Variants in GRIK3 observed in about 807,000 individuals in gnomAD.
GRIK3 encodes glutamate ionotropic receptor kainate type subunit 3.
GRIK3 carries 29 observed loss-of-function variants against 102.5 expected under a neutral mutation model. The ratio of observed to expected loss-of-function variants is 0.28; its 90% CI spans 0.21 to 0.39. GRIK3 has a LOEUF of 0.39. GRIK3 is among the 10% of genes least tolerant of loss of function. The pLI is 1.00. For missense variants in GRIK3, 908 were observed against 1,252.4 expected (o/e 0.73, Z 4.15); for synonymous variants, 511 against 504.9 (o/e 1.01, Z -0.16).
chr1:36,916,063 C>T (rs116764623), intron 1 of GRIK3, among the ~76,000 whole-genome samples: 2,583 of 152,208 alleles, frequency 0.017, 67 homozygotes, highest in East Asian at 0.1. Context: ...ATAATGATAT[C>T]GTCAATGAAA....
chr1:36,891,714 T>A (rs1036958136), intron 1 of GRIK3, among the ~76,000 whole-genome samples: 1 of 152,152 alleles, frequency 6.6e-6, no homozygotes, highest in African/African-American at 2.4e-5. Context: ...AGGATTTGCA[T>A]CACGCCATTA....
intron 1 of GRIK3, among the ~76,000 whole-genome samples, chr1:36,993,539 A>T (rs1642384376): frequency 6.6e-6 from 1 of 152,224 alleles, no homozygotes; most frequent in Non-Finnish European, 1.5e-5. Context: ...AGGATAAAAC[A>T]CAACATCCAA....
chr1:36,918,742 T>G (rs186767578), intron 1 of GRIK3, among the ~76,000 whole-genome samples: 1 of 152,246 alleles, frequency 6.6e-6, no homozygotes, highest in African/African-American at 2.4e-5. Context: ...CCACCTAGAT[T>G]GTGTGACCTT....
intron 1 of GRIK3, among the ~76,000 whole-genome samples, chr1:36,926,381 C>G (rs1641527817): frequency 6.6e-6 from 1 of 151,730 alleles, no homozygotes; most frequent in Admixed American, 6.6e-5. Context: ...TCCCTTCATC[C>G]CCTCTACGCC....
At chr1:36,839,347 C>A (rs537721192) in intron 10 of GRIK3, among the ~76,000 whole-genome samples, 24 of 152,204 alleles carry the variant, frequency 1.6e-4, no homozygotes, top group African/African-American at 5.1e-4. Context: ...GTGACAACAC[C>A]ACTCCCTTCC....
In GRIK3 at chr1:36,806,574, C is replaced by T. The variant is rs185035593; in HGVS notation, c.2092-248G>A. On this transcript the variant is annotated intron_variant, in intron 13 of 15. Transcript: ENST00000373091. The surrounding 1 kb of genome is among the most constrained non-coding windows in gnomAD (Gnocchi z 4.0). ...TGCTTCCTGGAAACCCTGGCCATGG[C>T]ACAAGTGGTCTTCAAGCTGACTTTT... Among the ~76,000 whole-genome samples, 1 of 152,296 alleles carries T rather than the reference C, an allele frequency of 6.6e-6. No individual in the cohort carries two copies. Among genetic ancestry groups the T allele is most frequent in the East Asian group, 1.9e-4 (1 of 5,182 alleles).
chr1:36,931,093 T>C (rs544352407), intron 1 of GRIK3, among the ~76,000 whole-genome samples: 1 of 152,314 alleles, frequency 6.6e-6, no homozygotes, highest in South Asian at 2.1e-4. Context: ...GAGTCTCCCC[T>C]TCACTCAGTC....
At position 36,897,288 on chromosome 1, in the gene GRIK3, G is replaced by A. The variant is rs79589583; in HGVS notation, c.116-6192C>T. On this transcript the variant is annotated intron_variant, in intron 1 of 15. Coordinates refer to ENST00000373091, the MANE Select transcript of GRIK3 (RefSeq NM_000831.4). The stretch of plus-strand genomic sequence containing the variant: ...AAATCAGTTAGAGCTAATAAAATTT[G>A]GCAAAGTAACAGAATACAAAGTCAA... Among the ~76,000 whole-genome samples the A allele has an allele frequency of 2.1e-3, 321 of 152,216 alleles. 4 individuals carry two copies. Among genetic ancestry groups the A allele is most frequent in the African/African-American group, 7.3e-3 (302 of 41,566 alleles).
At chr1:36,993,416 C>T (rs1002088584) in intron 1 of GRIK3, among the ~76,000 whole-genome samples, 6 of 152,150 alleles carry the variant, frequency 3.9e-5, no homozygotes, top group African/African-American at 7.2e-5. Context: ...GCACACGCCA[C>T]CCCACCCCGC....
At chr1:37,023,849 T>C (rs1275593429) in intron 1 of GRIK3, among the ~76,000 whole-genome samples, 4 of 152,214 alleles carry the variant, frequency 2.6e-5, no homozygotes, top group African/African-American at 9.6e-5. Context: ...AATCCATACC[T>C]GCTTTCCAAG....
At chr1:36,924,570 T>A (rs541934289) in intron 1 of GRIK3, among the ~76,000 whole-genome samples, 1 of 151,286 alleles carries the variant, frequency 6.6e-6, no homozygotes, top group South Asian at 2.1e-4. Context: ...GTTGGGGGAG[T>A]AGGAGGGAGG....
chr1:37,017,767 C>T (rs915134087), intron 1 of GRIK3, among the ~76,000 whole-genome samples: 16 of 152,158 alleles, frequency 1.1e-4, no homozygotes, highest in African/African-American at 3.9e-4. Flanking sequence ...AGAGATAACA[C>T]CTCTGACGTA....
chr1:36,973,416 CTTTTTTTT>C (rs35394730), intron 1 of GRIK3, among the ~76,000 whole-genome samples: 1 of 114,950 alleles, frequency 8.7e-6, no homozygotes, highest in African/African-American at 3.8e-5. Flanking sequence ...CTTCTTTTTC[CTTTTTTTT>C]TTTTTTTTTT....
intron 1 of GRIK3, among the ~76,000 whole-genome samples, chr1:36,910,894 G>A (rs112934471): frequency 6.6e-6 from 1 of 152,066 alleles, no homozygotes; most frequent in Middle Eastern, 3.2e-3. Flanking sequence ...GGAGGTGAGT[G>A]GGGGGGCATA....
At chr1:36,980,830 C>G (rs753496551) in intron 1 of GRIK3, among the ~76,000 whole-genome samples, 26 of 152,296 alleles carry the variant, frequency 1.7e-4, no homozygotes, top group Non-Finnish European at 5.9e-5. Context: ...GATGAACCAT[C>G]ACAAAATCCC....
intron 1 of GRIK3, among the ~76,000 whole-genome samples, chr1:36,970,936 A>T (rs1434057099): frequency 1.3e-5 from 2 of 152,244 alleles, no homozygotes; most frequent in Non-Finnish European, 2.9e-5. Context: ...CCAGTCCAGT[A>T]GGAACTGACT....
chr1:36,895,160 A>G (rs1379542412), intron 1 of GRIK3, among the ~76,000 whole-genome samples: 8 of 152,284 alleles, frequency 5.3e-5, no homozygotes, highest in African/African-American at 1.9e-4. Context: ...CTCACCCCTT[A>G]CCACTAAATC....
chr1:36,885,122 T>A (rs1641023929), intron 2 of GRIK3, among the ~76,000 whole-genome samples: 1 of 152,250 alleles, frequency 6.6e-6, no homozygotes, highest in Non-Finnish European at 1.5e-5. Flanking sequence ...AGGGTGAAAT[T>A]AATCATGTTG....
chr1:36,926,831 G>T (rs1641532919), intron 1 of GRIK3, among the ~76,000 whole-genome samples: 1 of 152,190 alleles, frequency 6.6e-6, no homozygotes, highest in Non-Finnish European at 1.5e-5. Flanking sequence ...CTCAAGAAAA[G>T]ATATTATTAG....
Sources: allele counts gnomAD v4.1 joint callset (sites outside exome capture counted in the v4.1 genomes callset), GRCh38; gene constraint gnomAD v4.1.1; non-coding constraint Gnocchi (gnomAD v3.1); transcripts MANE v1.5; gene names NCBI Gene and HGNC (gene_info 2026-07-23, HGNC 2026-07-21).